The following SLC6A9 variants were observed in gnomAD, a reference collection of about 807,000 sequenced individuals.
The protein encoded by SLC6A9 is solute carrier family 6 member 9.
A neutral mutation model predicts 70.9 loss-of-function variants in SLC6A9; 31 were observed. The observed-to-expected ratio is 0.44, with a 90% CI of 0.33 to 0.59. SLC6A9 has a LOEUF of 0.59. Ranked by LOEUF, SLC6A9 falls within the 20% of genes least tolerant of loss-of-function variation. The pLI is 0.04. For synonymous variants in SLC6A9, 310 were observed against 341.3 expected (o/e 0.91, Z 1.01); for missense variants, 631 against 845.2 (o/e 0.75, Z 3.14).
intron 4 of SLC6A9, 115 bp downstream of exon 4, chr1:44,009,850 G>A (rs977923095): frequency 1.2e-5 from 15 of 1,248,656 alleles, no homozygotes; most frequent in Admixed American, 8.8e-5. Context: ...CTTGGGGTCA[G>A]CATCAGGGCT....
intron 2 of SLC6A9, chr1:44,011,802 G>A: frequency 1.4e-6 from 2 of 1,437,022 alleles, no homozygotes; most frequent in Non-Finnish European, 1.9e-6. Context: ...CTGCAGGACT[G>A]AGCTGGTGGC....
intron 2 of SLC6A9, among the ~76,000 whole-genome samples, chr1:44,020,748 A>G (rs1343127670): frequency 1.3e-5 from 2 of 152,214 alleles, no homozygotes; most frequent in South Asian, 2.1e-4. Context: ...GCCAGGTCCT[A>G]TGACGGATGC....
chr1:44,003,912 C>A (rs2086217997), intron 5 of SLC6A9, among the ~76,000 whole-genome samples: 1 of 152,154 alleles, frequency 6.6e-6, no homozygotes, highest in Non-Finnish European at 1.5e-5. Context: ...AGGGGCATCT[C>A]CCCAGCCCTC....
intron 1 of SLC6A9, among the ~76,000 whole-genome samples, chr1:44,029,800 G>A (rs1218154466): frequency 6.6e-6 from 1 of 152,186 alleles, no homozygotes. Context: ...GCGGTCCTTG[G>A]AAACACTTGG....
At chr1:44,019,861 TGGGACTGAGAAGTGCC>T (rs961164627) in intron 2 of SLC6A9, among the ~76,000 whole-genome samples, 2 of 146,410 alleles carry the variant, frequency 1.4e-5, no homozygotes, top group African/African-American at 5.2e-5. Flanking sequence ...CCCGCTGAGC[TGGGACTGAGAAGTGCC>T]GGGGATGGGG....
At chr1:44,007,549 C>T (rs538465491) in intron 5 of SLC6A9, among the ~76,000 whole-genome samples, 35 of 152,338 alleles carry the variant, frequency 2.3e-4, no homozygotes, top group Middle Eastern at 3.4e-3. Flanking sequence ...ACGGCACCCC[C>T]GGCTCAGAGA....
chr1:44,011,537 G>A (rs199665784), intron 2 of SLC6A9: 222 of 1,607,216 alleles, frequency 1.4e-4, no homozygotes, highest in Non-Finnish European at 1.5e-4. Flanking sequence ...GCCCATGGCT[G>A]GGGAGGGGCC....
chr1:44,025,555 T>A (rs1347498426), intron 1 of SLC6A9, among the ~76,000 whole-genome samples: 1 of 151,002 alleles, frequency 6.6e-6, no homozygotes, highest in Non-Finnish European at 1.5e-5. Flanking sequence ...ATCCCAGCAC[T>A]TTAGGAGGCC....
chr1:43,998,432 T>C (rs2085964283), intron 12 of SLC6A9, among the ~76,000 whole-genome samples: 1 of 152,230 alleles, frequency 6.6e-6, no homozygotes. Flanking sequence ...CCTCAGTGTT[T>C]CAGTCACACC....
At chr1:44,017,422 G>T in intron 2 of SLC6A9, 1 of 1,150,568 alleles carries the variant, frequency 8.7e-7, no homozygotes, top group Non-Finnish European at 1.1e-6. Flanking sequence ...CTGGGGCAGA[G>T]CAGGCGAGAG....
Position 43,997,702 on chromosome 1 carries a change from C to T in SLC6A9, c.1745G>A (p.Gly582Asp). The change falls in exon 14 of 14, where the codon GGC (glycine) becomes GAC (aspartate). Residue 582 changes from glycine to aspartate, a missense_variant. Physicochemically the swap from Gly to Asp is moderately conservative, Grantham distance 94. Transcript: ENST00000372310. This position sits in a 1 kb window ranked among gnomAD's most constrained non-coding sequence, Gnocchi z 4.4. ...KNATKPSRDW[G>D]PALLEHRTGR... ...TGTCCGGTGCTCCAGGAGGGCAGGG[C>T]CCCAGTCTCTGCTTGGCTTTGTGGC... 2 of 1,610,314 alleles carry T rather than the reference C, an allele frequency of 1.2e-6. No homozygotes were observed. Among genetic ancestry groups the T allele is most frequent in the Non-Finnish European group, 1.7e-6 (2 of 1,178,792 alleles).
At chr1:44,010,187 C>A in intron 3 of SLC6A9, 91 bp from the exon 4 acceptor site, 3 of 1,450,590 alleles carry the variant, frequency 2.1e-6, no homozygotes, top group South Asian at 1.2e-5. Flanking sequence ...AAAACCTTCG[C>A]GATTGGGTAG....
At chr1:44,024,719 A>C (rs929276424) in intron 1 of SLC6A9, among the ~76,000 whole-genome samples, 1 of 152,248 alleles carries the variant, frequency 6.6e-6, no homozygotes, top group African/African-American at 2.4e-5. Flanking sequence ...GAATCAGCTC[A>C]GATCAGCACA....
At chr1:44,019,091 G>A (rs2086832770) in intron 2 of SLC6A9, among the ~76,000 whole-genome samples, 1 of 152,072 alleles carries the variant, frequency 6.6e-6, no homozygotes, top group Non-Finnish European at 1.5e-5. Flanking sequence ...TCTCTAAAAC[G>A]GGGAAACCAC....
chr1:44,021,893 G>T (rs1019068875), intron 2 of SLC6A9, among the ~76,000 whole-genome samples: 4 of 152,220 alleles, frequency 2.6e-5, no homozygotes, highest in Admixed American at 6.5e-5. Flanking sequence ...TCCCAAACTG[G>T]AACCCAAGAA....
At chr1:44,017,434 G>A (rs1208260174) in intron 2 of SLC6A9, 10 of 1,089,450 alleles carry the variant, frequency 9.2e-6, no homozygotes, top group Non-Finnish European at 1.2e-5. Context: ...AGGCGAGAGG[G>A]TGGCTCACTC....
At chr1:44,008,308 G>T (rs199776246) in intron 5 of SLC6A9, 45 bp downstream of exon 5, 2 of 1,600,854 alleles carry the variant, frequency 1.2e-6, no homozygotes, top group Non-Finnish European at 1.7e-6. Flanking sequence ...TGGGGACAGG[G>T]TTGCCACCAG....
rs1376646161 is a variant in SLC6A9, at chr1:44,010,850, C to G, written c.63G>C (p.Arg21Ser). 1 of 1,614,238 alleles carries G rather than the reference C, an allele frequency of 6.2e-7. No homozygotes were observed. The highest frequency in any genetic ancestry group is 1.1e-5 in the South Asian group (1 of 91,086). Reference protein sequence around the residue: ...NGAVPSEATKRDQNLKRGNWG... With the variant: ...NGAVPSEATKSDQNLKRGNWG... ...AGTTGCCCCGTTTGAGGTTCTGGTCCCTCTTGGTGGCCTCGCTGGGCACAG... is the reference window on the plus strand; with the variant it reads ...AGTTGCCCCGTTTGAGGTTCTGGTCGCTCTTGGTGGCCTCGCTGGGCACAG... Residue 21 changes from arginine (R) to serine (S), a missense_variant, in exon 3 of 14, where the codon AGG (arginine) becomes AGC (serine). By Grantham distance (110) the Arg-to-Ser change is moderately radical. Coordinates refer to ENST00000372310, the MANE Select transcript of SLC6A9 (RefSeq NM_001024845.3).
rs376489714 is a variant in SLC6A9, at chr1:44,000,750, C to A, written c.1536+17G>T. On this transcript the variant is annotated intron_variant, in intron 12 of 13. Transcript: ENST00000372310. Reference sequence around the variant, plus strand: ...AAGGGGCAGCGGGGGAAGGGAGGGGCCGGCCAGGGAACTCACGAAGATGAT... The same window carrying A: ...AAGGGGCAGCGGGGGAAGGGAGGGGACGGCCAGGGAACTCACGAAGATGAT... The A allele has an allele frequency of 6.5e-7, 1 of 1,539,976 alleles. No individual in the cohort carries two copies. The highest frequency in any genetic ancestry group is 8.9e-7 in the Non-Finnish European group (1 of 1,124,504).
Sources: gnomAD v4.1 joint callset for allele counts (sites outside exome capture counted in the v4.1 genomes callset) on GRCh38, gnomAD v4.1.1 for gene constraint, Gnocchi (gnomAD v3.1) non-coding constraint, MANE v1.5 for transcripts, NCBI Gene and HGNC (gene_info 2026-07-23, HGNC 2026-07-21) for gene names.